UTP20: variants seen among roughly 807,000 people sequenced by gnomAD.
UTP20 encodes the protein small subunit processome component 20 homolog.
Under a neutral mutation model 329.5 loss-of-function variants are expected in UTP20, and 164 were observed. The observed-to-expected ratio is 0.50, with a 90% CI of 0.44 to 0.57. The LOEUF (loss-of-function observed/expected upper bound fraction) is 0.57, where lower values mean the gene tolerates loss of function less well. UTP20 is among the 20% of genes least tolerant of loss of function. The pLI is 0.00. For synonymous variants in UTP20, 1,151 were observed against 1,159.3 expected, an observed-to-expected ratio of 0.99 and a Z score of 0.14; for missense variants, 3,055 against 3,284.2, an observed-to-expected ratio of 0.93 and a Z score of 1.71.
chr12:101,282,685 G>A (rs1247969030), intron 2 of UTP20, among the ~76,000 whole-genome samples: 1 of 152,218 alleles, frequency 6.6e-6, no homozygotes, highest in African/African-American at 2.4e-5. Context: ...GTGGAGAAAA[G>A]AGCAGGACTG....
Position 101,312,235 on chromosome 12 carries a change from A to T in UTP20, c.2511A>T (p.Pro837=). The change falls in exon 21 of 62, where the codon CCA becomes CCT. Residue 837 remains proline, a synonymous_variant. Transcript: ENST00000261637. ...ALTKFPERVE[P]RSRELSPLFL... is the part of the protein sequence containing the mutation. Reference sequence around the variant, plus strand: ...CCAAATTCCCAGAAAGAGTAGAGCCACGGTCCAGGGAGCTTTCCCCGCTTT... The same window carrying T: ...CCAAATTCCCAGAAAGAGTAGAGCCTCGGTCCAGGGAGCTTTCCCCGCTTT... 1 of 1,614,226 alleles carries T rather than the reference A, an allele frequency of 6.2e-7. No homozygotes were observed. The highest frequency in any genetic ancestry group is 8.5e-7 in the Non-Finnish European group (1 of 1,180,040).
Position 101,295,458 on chromosome 12 carries a change from A to AT in UTP20, c.1252-12dup, listed in dbSNP as rs71438421. The stretch of plus-strand genomic sequence containing the variant: ...TTTATTATATCTGTTAATAAGTGTG[A>AT]TTTTTTTTTTCTTAACTTTAGCTTT... On this transcript the variant is annotated intron_variant, in intron 11 of 61. Coordinates refer to ENST00000261637, the MANE Select transcript of UTP20 (RefSeq NM_014503.3). 8.0e-3 allele frequency: 11,221 copies of AT among 1,410,720 alleles called. 24 individuals carry two copies. Among genetic ancestry groups the AT allele is most frequent in the East Asian group, 9.9e-3 (403 of 40,614 alleles). 87.4% of individuals were successfully genotyped at this position (1,410,720 alleles called of 1,614,324 possible). A position where few individuals can be genotyped will look rare whatever the true frequency, so the allele number is the denominator to read the frequency against.
intron 40 of UTP20, among the ~76,000 whole-genome samples, chr12:101,354,204 G>A (rs1317043813): frequency 6.8e-6 from 1 of 147,180 alleles, no homozygotes; most frequent in Non-Finnish European, 1.5e-5. Context: ...AGATGTTGCG[G>A]TAAGCTGAGA....
chr12:101,323,577 C>G (rs571743837), intron 25 of UTP20, among the ~76,000 whole-genome samples: 1 of 151,984 alleles, frequency 6.6e-6, no homozygotes, highest in African/African-American at 2.4e-5. Flanking sequence ...TTTAGGTTTA[C>G]TAGTGAAGAT....
chr12:101,378,055 C>G (rs895679062), intron 56 of UTP20, among the ~76,000 whole-genome samples: 1 of 152,068 alleles, frequency 6.6e-6, no homozygotes, highest in Non-Finnish European at 1.5e-5. Flanking sequence ...AACCCCATCT[C>G]TATAAAAAAT....
At chr12:101,320,549 CTGTT>C (rs59263502) in intron 23 of UTP20, among the ~76,000 whole-genome samples, 2,798 of 151,488 alleles carry the variant, frequency 0.018, 51 homozygotes, top group African/African-American at 0.049. Context: ...GAGCAAGACT[CTGTT>C]TGAAAAAAAA....
At chr12:101,334,640 G>A in intron 29 of UTP20, 136 bp downstream of exon 29, 2 of 674,124 alleles carry the variant, frequency 3.0e-6, no homozygotes, top group Non-Finnish European at 4.8e-6. Context: ...TAGAGAATGA[G>A]GCAGCTGAGT....
intron 38 of UTP20, among the ~76,000 whole-genome samples, chr12:101,347,429 A>G (rs565032026): frequency 2.6e-5 from 4 of 152,244 alleles, no homozygotes; most frequent in Non-Finnish European, 4.4e-5. Context: ...AGGCTGAGGC[A>G]GGAGGATCAT....
At chr12:101,348,739 G>GTTTTTTTTTTTTTTTTTT (rs35417344) in intron 38 of UTP20, among the ~76,000 whole-genome samples, 1 of 97,318 alleles carries the variant, frequency 1.0e-5, no homozygotes. Context: ...GTTTTTGGTG[G>GTTTTTTTTTTTTTTTTTT]TTTTTTTTTT....
chr12:101,281,785 A>G (rs182038548), intron 2 of UTP20, among the ~76,000 whole-genome samples: 265 of 152,020 alleles, frequency 1.7e-3, no homozygotes, highest in African/African-American at 5.8e-3. Flanking sequence ...GCTCACTGCA[A>G]TCTCCACCTC....
At position 101,371,102 on chromosome 12, in the gene UTP20, C is replaced by T; in HGVS notation, c.6732C>T (p.Val2244=). Residue 2244 remains valine (V), a synonymous_variant, in exon 51 of 62, where the codon GTC becomes GTT. Coordinates refer to ENST00000261637, the MANE Select transcript of UTP20 (RefSeq NM_014503.3). ...RKLLVPEIDE[V]MRKVSKLAVS... ...TGTTGGTCCCAGAAATCGATGAGGT[C>T]ATGCGGAAAGTATCCAAGTTGGCAG... 1 of 1,614,112 alleles carries T rather than the reference C, an allele frequency of 6.2e-7. No individual in the cohort carries two copies. Among genetic ancestry groups the T allele is most frequent in the African/African-American group, 1.3e-5 (1 of 75,036 alleles).
At chr12:101,348,674 C>T (rs1439824442) in intron 38 of UTP20, among the ~76,000 whole-genome samples, 1 of 149,292 alleles carries the variant, frequency 6.7e-6, no homozygotes, top group Non-Finnish European at 1.5e-5. Flanking sequence ...TTTGTTGTGG[C>T]AGGAAACAAA....
At chr12:101,280,371 C>T (rs1445437602) in intron 1 of UTP20, 44 bp downstream of exon 1, 1 of 1,551,194 alleles carries the variant, frequency 6.4e-7, no homozygotes, top group Non-Finnish European at 8.7e-7. Flanking sequence ...TCTCCGCTGC[C>T]TCAGTCGTGA....
intron 22 of UTP20, among the ~76,000 whole-genome samples, chr12:101,318,830 T>TG (rs1555199607): frequency 5.4e-5 from 4 of 73,400 alleles, no homozygotes; most frequent in South Asian, 4.8e-4. Context: ...GACTCCATCT[T>TG]GAAAAAAAAA....
At chr12:101,377,957 C>T (rs975223104) in intron 56 of UTP20, among the ~76,000 whole-genome samples, 11 of 152,162 alleles carry the variant, frequency 7.2e-5, no homozygotes, top group Admixed American at 5.9e-4. Context: ...CATGGAGGCT[C>T]ATGCCTGTCA....
chr12:101,324,054 T>C (rs1420354424), intron 25 of UTP20, among the ~76,000 whole-genome samples: 1 of 151,778 alleles, frequency 6.6e-6, no homozygotes, highest in Non-Finnish European at 1.5e-5. Context: ...GGAGAATCAC[T>C]TGAACCCGGG....
At chr12:101,314,738 A>G (rs1872912559) in intron 21 of UTP20, among the ~76,000 whole-genome samples, 1 of 152,090 alleles carries the variant, frequency 6.6e-6, no homozygotes, top group Non-Finnish European at 1.5e-5. Flanking sequence ...TAAAAAAGAA[A>G]CAGACATAGG....
intron 25 of UTP20, among the ~76,000 whole-genome samples, chr12:101,322,075 G>A (rs372768141): frequency 1.2e-4 from 19 of 152,012 alleles, no homozygotes; most frequent in South Asian, 4.2e-4. Flanking sequence ...TGCAACCTCC[G>A]CCCTCCCAGG....
chr12:101,352,678 G>A (rs1278397966), intron 39 of UTP20, among the ~76,000 whole-genome samples: 4 of 123,718 alleles, frequency 3.2e-5, no homozygotes, highest in Non-Finnish European at 6.2e-5. Context: ...GGGGGGAGTG[G>A]GGAGGATAGC....
Sources: allele counts gnomAD v4.1 joint callset (sites outside exome capture counted in the v4.1 genomes callset), GRCh38; gene constraint gnomAD v4.1.1; transcripts MANE v1.5; gene names NCBI Gene and HGNC (gene_info 2026-07-23, HGNC 2026-07-21).